TMEM74: variants seen among roughly 807,000 people sequenced by gnomAD.
The protein encoded by TMEM74 is transmembrane protein 74.
TMEM74 carries 13 observed loss-of-function variants against 18.1 expected under a neutral mutation model. The observed-to-expected ratio is 0.72, with a 90% CI of 0.47 to 1.14. The LOEUF (loss-of-function observed/expected upper bound fraction) is 1.14, where lower values mean the gene tolerates loss of function less well. Among genes scored for constraint, TMEM74 ranks in the 50% most tolerant of loss-of-function variants. The pLI, the probability that TMEM74 is intolerant of heterozygous loss-of-function variation, is 0.00. For synonymous variants in TMEM74, 159 were observed against 146.6 expected, an observed-to-expected ratio of 1.08 and a Z score of -0.61; for missense variants, 372 against 375.9, an observed-to-expected ratio of 0.99 and a Z score of 0.09.
At chr8:108,669,147 G>T (rs2039843710) in intron 1 of TMEM74, among the ~76,000 whole-genome samples, 1 of 152,046 alleles carries the variant, frequency 6.6e-6, no homozygotes, top group African/African-American at 2.4e-5. Flanking sequence ...GCAATACTTA[G>T]GGGACTTATA....
At chr8:108,665,252 A>G (rs1426356178) in intron 1 of TMEM74, among the ~76,000 whole-genome samples, 2 of 152,168 alleles carry the variant, frequency 1.3e-5, no homozygotes, top group Admixed American at 1.3e-4. Flanking sequence ...GAATTATTAT[A>G]TAACAGACAG....
intron 1 of TMEM74, among the ~76,000 whole-genome samples, chr8:108,657,947 T>C (rs1812862238): frequency 6.9e-6 from 1 of 144,016 alleles, no homozygotes; most frequent in East Asian, 2.0e-4. Flanking sequence ...TCTATCACTT[T>C]TAGAAGTGGA....
intron 2 of TMEM74, among the ~76,000 whole-genome samples, chr8:108,631,490 C>G (rs146916525): frequency 2.8e-4 from 42 of 152,146 alleles, no homozygotes; most frequent in African/African-American, 8.9e-4. Context: ...ACTCAAAACA[C>G]TCAGCATATT....
chr8:108,684,430 G>A (rs1242223013), intron 1 of TMEM74, among the ~76,000 whole-genome samples: 2 of 151,078 alleles, frequency 1.3e-5, no homozygotes, highest in Non-Finnish European at 3.0e-5. Context: ...CAGATTTTTT[G>A]CCCATTTTTT....
intron 1 of TMEM74, among the ~76,000 whole-genome samples, chr8:108,656,323 G>C (rs1247471049): frequency 6.6e-6 from 1 of 152,082 alleles, no homozygotes; most frequent in Non-Finnish European, 1.5e-5. Flanking sequence ...TTAGTTCAGG[G>C]CTCATAATCG....
At chr8:108,706,776 G>GGTGTGTGT (rs3049749) in intron 1 of TMEM74, among the ~76,000 whole-genome samples, 13,193 of 144,794 alleles carry the variant, frequency 0.091, 684 homozygotes, top group East Asian at 0.22. Context: ...AATTACAAGG[G>GGTGTGTGT]GTGTGTGTGT....
At chr8:108,622,317 G>A (rs1812451880) in intron 2 of TMEM74, among the ~76,000 whole-genome samples, 2 of 152,092 alleles carry the variant, frequency 1.3e-5, no homozygotes, top group Admixed American at 6.6e-5. Context: ...TAGGGTAGAT[G>A]TTGTCAGCTC....
At chr8:108,654,988 A>G (rs931164661) in intron 2 of TMEM74, among the ~76,000 whole-genome samples, 17 of 152,194 alleles carry the variant, frequency 1.1e-4, no homozygotes, top group African/African-American at 3.9e-4. Context: ...ACTAATTACT[A>G]TAGGTTTTCA....
chr8:108,721,518 G>A (rs961766076), intron 1 of TMEM74, among the ~76,000 whole-genome samples: 2 of 152,176 alleles, frequency 1.3e-5, no homozygotes, highest in African/African-American at 4.8e-5. Flanking sequence ...TCTCACTCGG[G>A]ATTTGGGTTG....
At chr8:108,732,782 AAT>A (rs3049758) in intron 1 of TMEM74, among the ~76,000 whole-genome samples, 2 of 148,318 alleles carry the variant, frequency 1.3e-5, no homozygotes, top group East Asian at 2.0e-4. Context: ...AATATTTTCA[AAT>A]ATATATATAT....
intron 1 of TMEM74, among the ~76,000 whole-genome samples, chr8:108,715,097 T>C (rs1172039447): frequency 2.6e-5 from 4 of 152,242 alleles, no homozygotes; most frequent in Non-Finnish European, 5.9e-5. Context: ...GTAGAATGTG[T>C]TTCTATCTAT....
intron 1 of TMEM74, among the ~76,000 whole-genome samples, chr8:108,687,340 T>TA (rs1347907086): frequency 8.3e-6 from 1 of 120,204 alleles, no homozygotes; most frequent in African/African-American, 3.5e-5. Flanking sequence ...TCAACAAAGT[T>TA]AAAAAACAAG....
intron 2 of TMEM74, among the ~76,000 whole-genome samples, chr8:108,619,185 T>C (rs1812414077): frequency 6.6e-6 from 1 of 152,222 alleles, no homozygotes. Context: ...CAGATATTTA[T>C]GTTTTTATAT....
At chr8:108,685,484 G>A (rs1459810241) in intron 1 of TMEM74, among the ~76,000 whole-genome samples, 1 of 152,032 alleles carries the variant, frequency 6.6e-6, no homozygotes, top group Non-Finnish European at 1.5e-5. Flanking sequence ...CATTTTTAAT[G>A]AAGTCAAGCT....
chr8:108,760,327 G>A (rs1281496276), intron 1 of TMEM74, among the ~76,000 whole-genome samples: 2 of 152,108 alleles, frequency 1.3e-5, no homozygotes, highest in African/African-American at 2.4e-5. Context: ...GGGTCAGCCA[G>A]TCTCTTGGGA....
At chr8:108,668,009 G>T (rs1812966617) in intron 1 of TMEM74, among the ~76,000 whole-genome samples, 1 of 152,078 alleles carries the variant, frequency 6.6e-6, no homozygotes, top group Non-Finnish European at 1.5e-5. Context: ...CACATTTCCT[G>T]GTTCTACAGC....
intron 2 of TMEM74, among the ~76,000 whole-genome samples, chr8:108,617,754 A>G (rs1812400033): frequency 6.6e-6 from 1 of 152,112 alleles, no homozygotes. Context: ...TCCTCAGAGA[A>G]GGTCTTGGAA....
intron 2 of TMEM74, among the ~76,000 whole-genome samples, chr8:108,635,359 C>G (rs925177747): frequency 6.6e-6 from 1 of 151,852 alleles, no homozygotes; most frequent in African/African-American, 2.4e-5. Flanking sequence ...TGCCTCTGGT[C>G]TTTTCTTCCT....
chr8:108,639,720 C>T (rs545470478), intron 2 of TMEM74, among the ~76,000 whole-genome samples: 1 of 152,106 alleles, frequency 6.6e-6, no homozygotes, highest in Admixed American at 6.5e-5. Context: ...GTCATAATGA[C>T]AATTAAAAAT....
Sources: gnomAD v4.1 joint callset for allele counts (sites outside exome capture counted in the v4.1 genomes callset) on GRCh38, gnomAD v4.1.1 for gene constraint, MANE v1.5 for transcripts, NCBI Gene and HGNC (gene_info 2026-07-23, HGNC 2026-07-21) for gene names.